The following PRRC1 variants were observed in gnomAD, a reference collection of about 807,000 sequenced individuals.
The protein encoded by PRRC1 is protein PRRC1.
In PRRC1, 39 loss-of-function variants were observed where a neutral mutation model predicts 40.7. The ratio of observed to expected loss-of-function variants is 0.96; its 90% CI spans 0.74 to 1.25. The LOEUF (loss-of-function observed/expected upper bound fraction) is 1.25, where lower values mean the gene tolerates loss of function less well. Ranked by LOEUF, PRRC1 falls within the 50% of genes most tolerant of loss-of-function variation. The probability of loss-of-function intolerance (pLI) is 0.00; values close to 1 mark genes in which losing one functional copy is unlikely to be tolerated. For missense variants in PRRC1, 573 were observed against 548.3 expected (o/e 1.05, Z -0.45); for synonymous variants, 175 against 193.3 (o/e 0.91, Z 0.79).
At chr5:127,519,263 A>T (rs540913760) in intron 1 of PRRC1, among the ~76,000 whole-genome samples, 3 of 152,156 alleles carry the variant, frequency 2.0e-5, no homozygotes, top group Non-Finnish European at 4.4e-5. Flanking sequence ...ATCTCAGGTT[A>T]TTTACCTTCG....
intron 1 of PRRC1, among the ~76,000 whole-genome samples, chr5:127,521,724 A>T (rs1417278433): frequency 6.6e-6 from 1 of 152,206 alleles, no homozygotes; most frequent in Non-Finnish European, 1.5e-5. Context: ...CTGTCCCTCC[A>T]GTCCTGATTC....
intron 8 of PRRC1, chr5:127,550,450 A>G (rs1561689892): frequency 1.3e-5 from 2 of 152,214 alleles, no homozygotes; most frequent in Admixed American, 6.5e-5. Context: ...AATAAATTTC[A>G]TACAATTTGT....
chr5:127,545,524 AC>A (rs555861708), intron 7 of PRRC1, among the ~76,000 whole-genome samples: 2 of 151,670 alleles, frequency 1.3e-5, no homozygotes, highest in African/African-American at 2.4e-5. Context: ...TTCTCAGTAA[AC>A]TATCACAAGG....
rs114969550 is a variant in PRRC1, at chr5:127,524,027, C to T, written c.103+445C>T. ...GTAGCTGCAATTACAGCACTCACCACCATGCTCAGCTAATTTTTGTATTTT... is the reference window on the plus strand; with the variant it reads ...GTAGCTGCAATTACAGCACTCACCATCATGCTCAGCTAATTTTTGTATTTT... On this transcript the variant is annotated intron_variant, in intron 2 of 8. Coordinates refer to ENST00000296666, the MANE Select transcript of PRRC1 (RefSeq NM_130809.5). 470 of 159,450 alleles carry T rather than the reference C, an allele frequency of 2.9e-3. 1 individual carries two copies. The highest frequency in any genetic ancestry group is 9.8e-3 in the African/African-American group (408 of 41,580). The allele number at this position is 159,450 out of a possible 1,614,324, so 9.9% of individuals were successfully genotyped here.
intron 5 of PRRC1, among the ~76,000 whole-genome samples, chr5:127,531,637 T>A (rs1236872675): frequency 8.8e-6 from 1 of 113,252 alleles, no homozygotes; most frequent in Non-Finnish European, 1.8e-5. Context: ...TTTTTTTTTT[T>A]TTTGAGACAG....
intron 8 of PRRC1, chr5:127,548,616 G>A (rs1344290217): frequency 2.0e-5 from 3 of 151,920 alleles, no homozygotes; most frequent in Non-Finnish European, 1.5e-5. Context: ...TTTGTACATT[G>A]TTAAATATCA....
rs769543226 is a variant in PRRC1 at position 127,524,610 on chromosome 5, G to T, written c.183G>T (p.Pro61=). 5.0e-6 allele frequency: 8 copies of T among 1,613,684 alleles called. No individual in the cohort carries two copies. Among genetic ancestry groups the T allele is most frequent in the Non-Finnish European group, 6.8e-6 (8 of 1,179,938 alleles). ...CACTCGCATACTCTACTCCTCAGCC[G>T]CCCCTTCCTCCTGTGAGGCCTTCAG... ...FPPLAYSTPQ[P]PLPPVRPSAP... The change falls in exon 3 of 9, where the codon CCG becomes CCT. Residue 61 remains proline, a synonymous_variant. Transcript: ENST00000296666.
chr5:127,532,465 G>A (rs1767802101), intron 5 of PRRC1, among the ~76,000 whole-genome samples: 1 of 152,142 alleles, frequency 6.6e-6, no homozygotes, highest in African/African-American at 2.4e-5. Flanking sequence ...AATTTCGTAT[G>A]TGTCAAGAAA....
intron 8 of PRRC1, chr5:127,548,359 C>T (rs1448029316): frequency 1.2e-5 from 3 of 245,608 alleles, no homozygotes; most frequent in South Asian, 7.7e-5. Context: ...CTTATAGGCA[C>T]GTGTCTTTAG....
intron 3 of PRRC1, among the ~76,000 whole-genome samples, chr5:127,525,594 G>A (rs945824070): frequency 6.6e-6 from 1 of 152,148 alleles, no homozygotes; most frequent in African/African-American, 2.4e-5. Context: ...TCTAAAGCAG[G>A]TGTACCATTT....
intron 7 of PRRC1, among the ~76,000 whole-genome samples, chr5:127,540,548 T>C (rs901418093): frequency 2.0e-5 from 3 of 152,104 alleles, no homozygotes; most frequent in Non-Finnish European, 4.4e-5. Context: ...GATAATACAT[T>C]ATAGTTCAGA....
Position 127,524,998 on chromosome 5 carries a change from G to A in PRRC1, c.493+78G>A, listed in dbSNP as rs61641410. 2.9e-6 allele frequency: 4 copies of A among 1,361,016 alleles called. No individual in the cohort carries two copies. In the East Asian group the frequency reaches 7.5e-5, roughly 25 times the overall value. 84.3% of individuals were successfully genotyped at this position (1,361,016 alleles called of 1,614,324 possible). ...TTTTTTAAAATAATAGCTTTGTTGA[G>A]ATATAATTTATGTACTCTACAATTC... is the stretch of plus-strand genomic sequence containing the variant. On this transcript the variant is annotated intron_variant, in intron 3 of 8. Coordinates refer to ENST00000296666, the MANE Select transcript of PRRC1 (RefSeq NM_130809.5).
chr5:127,554,921 C>G lies in PRRC1; in HGVS notation c.*3005C>G, dbSNP rs576488779. The G allele has an allele frequency of 6.6e-6, 1 of 152,582 alleles. No homozygotes were observed. The highest frequency in any genetic ancestry group is 2.4e-5 in the African/African-American group (1 of 41,528). 9.5% of individuals were successfully genotyped at this position (152,582 alleles called of 1,614,324 possible). On this transcript the variant is annotated 3_prime_UTR_variant, in exon 9 of 9. Coordinates refer to ENST00000296666, the MANE Select transcript of PRRC1 (RefSeq NM_130809.5). ...TTTGGGAAGCCAAATTGATAATATTCTATGTTCTAAAAGTTGGGCTATACA... is the reference window on the plus strand; with the variant it reads ...TTTGGGAAGCCAAATTGATAATATTGTATGTTCTAAAAGTTGGGCTATACA...
intron 1 of PRRC1, among the ~76,000 whole-genome samples, chr5:127,523,207 A>G (rs1005572902): frequency 1.3e-5 from 2 of 152,240 alleles, no homozygotes; most frequent in African/African-American, 4.8e-5. Context: ...TATTGTTATT[A>G]TAACATGAAA....
chr5:127,552,052 C>T lies in PRRC1; in HGVS notation c.*136C>T. 3 of 1,449,344 alleles carry T rather than the reference C, an allele frequency of 2.1e-6. No homozygotes were observed. The highest frequency in any genetic ancestry group is 3.0e-5 in the South Asian group (2 of 66,648). The allele number at this position is 1,449,344 out of a possible 1,614,324, so 89.8% of individuals were successfully genotyped here. The stretch of plus-strand genomic sequence containing the variant: ...CATTTTCCTGTAGCCTGCAATTTTT[C>T]TTTCTCTAGAAAGGCATCATGTCAT... On this transcript the variant is annotated 3_prime_UTR_variant, in exon 9 of 9. Coordinates refer to ENST00000296666, the MANE Select transcript of PRRC1 (RefSeq NM_130809.5).
intron 5 of PRRC1, among the ~76,000 whole-genome samples, chr5:127,531,614 CTTCTTTTTTT>C (rs1269662284): frequency 1.3e-4 from 11 of 84,182 alleles, no homozygotes; most frequent in African/African-American, 5.9e-4. Context: ...TATTCTTCTT[CTTCTTTTTTT>C]TTTTTTTTTT....
At chr5:127,533,875 T>C (rs529447420) in intron 6 of PRRC1, 89 bp downstream of exon 6, 5 of 1,382,700 alleles carry the variant, frequency 3.6e-6, no homozygotes, top group East Asian at 4.6e-5. Flanking sequence ...ATGGAGCTAA[T>C]AGACTTTTAC....
chr5:127,535,503 A>G (rs985409412), intron 6 of PRRC1, among the ~76,000 whole-genome samples: 3 of 152,202 alleles, frequency 2.0e-5, no homozygotes, highest in Non-Finnish European at 4.4e-5. Flanking sequence ...GAGTGTATGC[A>G]TCAGGCAACT....
intron 8 of PRRC1, 113 bp downstream of exon 8, chr5:127,548,034 A>C (rs748964927): frequency 3.9e-4 from 307 of 782,856 alleles, no homozygotes; most frequent in Non-Finnish European, 6.4e-4. Context: ...ATTTTGTTTC[A>C]GTCATTTTTC....
Sources: gnomAD v4.1 joint callset for allele counts (sites outside exome capture counted in the v4.1 genomes callset) on GRCh38, gnomAD v4.1.1 for gene constraint, MANE v1.5 for transcripts, NCBI Gene and HGNC (gene_info 2026-07-23, HGNC 2026-07-21) for gene names.